Variants in KCNMA1 observed in about 807,000 individuals in gnomAD.
KCNMA1 encodes potassium calcium-activated channel subfamily M alpha 1.
KCNMA1 carries 29 observed loss-of-function variants against 140.0 expected under a neutral mutation model. That is an observed-to-expected ratio of 0.21 (90% CI 0.15 to 0.28). The LOEUF (loss-of-function observed/expected upper bound fraction) is 0.28. Among genes scored for constraint, KCNMA1 ranks in the 10% least tolerant of loss-of-function variants. The probability of loss-of-function intolerance (pLI) is 1.00; values close to 1 mark genes in which losing one functional copy is unlikely to be tolerated. For synonymous variants in KCNMA1, 612 were observed against 611.9 expected, an observed-to-expected ratio of 1.00 and a Z score of 0.00; for missense variants, 880 against 1,602.2, an observed-to-expected ratio of 0.55 and a Z score of 7.70.
chr10:77,544,118 C>T (rs1347194829), intron 1 of KCNMA1, among the ~76,000 whole-genome samples: 1 of 147,518 alleles, frequency 6.8e-6, no homozygotes. Context: ...TAAAATTATT[C>T]CTGTCAATCT....
chr10:77,625,941 C>T (rs988642672), intron 1 of KCNMA1, among the ~76,000 whole-genome samples: 4 of 152,146 alleles, frequency 2.6e-5, no homozygotes, highest in Non-Finnish European at 5.9e-5. Context: ...CTTTCCACCG[C>T]ATCTGTACCA....
Position 77,485,227 on chromosome 10 carries a change from A to T in KCNMA1, c.379-81204T>A, listed in dbSNP as rs118041974. The stretch of plus-strand genomic sequence containing the variant: ...GCCCATCATGCACCATATGGTGCTC[A>T]TATTACATACGCAATAAAGTGCACA... On this transcript the variant is annotated intron_variant, in intron 1 of 27. Transcript: ENST00000286628. Among the ~76,000 whole-genome samples, 391 of 152,346 alleles carry T rather than the reference A, an allele frequency of 2.6e-3. 2 individuals are homozygous for T. Among genetic ancestry groups the T allele is most frequent in the Non-Finnish European group, 4.3e-3 (295 of 68,036 alleles).
rs542645748 is a variant in KCNMA1, at chr10:77,472,463, CAG to C, written c.379-68442_379-68441del. On this transcript the variant is annotated intron_variant, in intron 1 of 27. Coordinates refer to ENST00000286628, the MANE Select transcript of KCNMA1 (RefSeq NM_001161352.2). ...ACGTCACACACACATCACACACACA[CAG>C]AGAGCATACATACTAAACACACATC... Among the ~76,000 whole-genome samples the C allele has an allele frequency of 2.0e-5, 3 of 150,578 alleles. No homozygotes were observed. The South Asian group carries it at 6.3e-4, about 32-fold the overall frequency.
At chr10:77,526,821 C>G (rs946733579) in intron 1 of KCNMA1, among the ~76,000 whole-genome samples, 1 of 149,894 alleles carries the variant, frequency 6.7e-6, no homozygotes, top group South Asian at 2.1e-4. Context: ...GTTTCCTTCT[C>G]CTCTCTCTCT....
chr10:77,159,604 T>G (rs866694400), intron 5 of KCNMA1, among the ~76,000 whole-genome samples: 159 of 152,258 alleles, frequency 1.0e-3, no homozygotes, highest in African/African-American at 3.5e-3. Flanking sequence ...TCCTTGCTTT[T>G]CCCCTAATTT....
intron 5 of KCNMA1, among the ~76,000 whole-genome samples, chr10:77,136,351 A>G (rs1359417559): frequency 1.3e-5 from 2 of 152,186 alleles, no homozygotes; most frequent in African/African-American, 2.4e-5. Flanking sequence ...ATGTTAAGTT[A>G]AAGAAGTAGA....
intron 1 of KCNMA1, among the ~76,000 whole-genome samples, chr10:77,483,237 A>G (rs921584669): frequency 6.6e-6 from 1 of 152,190 alleles, no homozygotes; most frequent in Non-Finnish European, 1.5e-5. Flanking sequence ...AGCATATCAG[A>G]AATCTCTCTG....
chr10:77,260,902 G>T (rs186710402), intron 2 of KCNMA1, among the ~76,000 whole-genome samples: 2 of 152,304 alleles, frequency 1.3e-5, no homozygotes, highest in Admixed American at 1.3e-4. Context: ...GATGTCATAA[G>T]AAAGTGAGAT....
intron 2 of KCNMA1, among the ~76,000 whole-genome samples, chr10:77,370,572 A>G (rs1285759665): frequency 6.6e-6 from 1 of 152,178 alleles, no homozygotes; most frequent in African/African-American, 2.4e-5. Context: ...AAGTCAACAT[A>G]CAAATGAAAT....
intron 22 of KCNMA1, among the ~76,000 whole-genome samples, chr10:76,947,507 A>G (rs2064474837): frequency 6.6e-6 from 1 of 152,232 alleles, no homozygotes; most frequent in African/African-American, 2.4e-5. Context: ...TAAACCCTTT[A>G]CAAAGACACT....
intron 9 of KCNMA1, among the ~76,000 whole-genome samples, chr10:77,095,424 G>C (rs1480620242): frequency 6.6e-6 from 1 of 152,186 alleles, no homozygotes; most frequent in African/African-American, 2.4e-5. Flanking sequence ...TGCCAAAATA[G>C]TATCCAACGG....
chr10:77,575,115 G>A (rs553641079), intron 1 of KCNMA1, among the ~76,000 whole-genome samples: 8 of 152,242 alleles, frequency 5.3e-5, no homozygotes, highest in Admixed American at 4.6e-4. Context: ...GGATTACTTT[G>A]GGTAAATATT....
At chr10:77,346,083 T>C (rs975573078) in intron 2 of KCNMA1, among the ~76,000 whole-genome samples, 2 of 152,218 alleles carry the variant, frequency 1.3e-5, no homozygotes, top group African/African-American at 2.4e-5. Context: ...GTTGCTTTAA[T>C]TGAACAGTGG....
chr10:77,524,745 T>C (rs1398134620), intron 1 of KCNMA1, among the ~76,000 whole-genome samples: 1 of 152,138 alleles, frequency 6.6e-6, no homozygotes, highest in Non-Finnish European at 1.5e-5. Context: ...ATCTATCAGC[T>C]ACCTCCCCAC....
chr10:77,376,316 T>C lies in KCNMA1; in HGVS notation c.540+27546A>G, dbSNP rs1054718686. 7 of 152,174 alleles carry C rather than the reference T, an allele frequency of 4.6e-5. No homozygotes were observed. The East Asian group carries it at 1.4e-3, about 30-fold the overall frequency. 9.4% of individuals were successfully genotyped at this position (152,174 alleles called of 1,614,324 possible). ...CTTCTCCACCACTAAAGCCCCCAGG[T>C]TTATCATTTCCCGGGAGAATAGGTC... On this transcript the variant is annotated intron_variant, in intron 2 of 27. Transcript: ENST00000286628.
intron 1 of KCNMA1, among the ~76,000 whole-genome samples, chr10:77,558,348 A>G (rs779450815): frequency 5.3e-5 from 8 of 152,326 alleles, no homozygotes; most frequent in South Asian, 2.1e-4. Flanking sequence ...CTGCACGCCA[A>G]GCTGGGTGTA....
rs764237865 is a variant in KCNMA1, at chr10:76,953,805, A to G, written c.2480T>C (p.Ile827Thr). 1 of 1,614,062 alleles carries G rather than the reference A, an allele frequency of 6.2e-7. No homozygotes were observed. Among genetic ancestry groups the G allele is most frequent in the Non-Finnish European group, 8.5e-7 (1 of 1,179,934 alleles). ...GATGCACAGTCCCTCACTCACCAGG[A>G]TGACTTTCTCTATCTCCTTGGGTGC... ...WCAPKEIEKV[I>T]LTRSEAAMTV... The change falls in exon 21 of 28, where the codon ATC (isoleucine) becomes ACC (threonine). Residue 827 changes from isoleucine to threonine, a missense_variant. Ile to Thr is a moderately conservative substitution (Grantham distance 89). Transcript: ENST00000286628.
intron 1 of KCNMA1, among the ~76,000 whole-genome samples, chr10:77,573,674 A>G (rs2072823604): frequency 6.9e-6 from 1 of 145,326 alleles, no homozygotes; most frequent in South Asian, 2.3e-4. Flanking sequence ...AATAGAATAG[A>G]ATAGAATAGA....
At chr10:77,495,049 C>T (rs560482145) in intron 1 of KCNMA1, among the ~76,000 whole-genome samples, 1 of 152,316 alleles carries the variant, frequency 6.6e-6, no homozygotes, top group African/African-American at 2.4e-5. Context: ...TCTGCAAAGA[C>T]CTTATTTCCA....
Sources: allele counts gnomAD v4.1 joint callset (sites outside exome capture counted in the v4.1 genomes callset), GRCh38; gene constraint gnomAD v4.1.1; transcripts MANE v1.5; gene names NCBI Gene and HGNC (gene_info 2026-07-23, HGNC 2026-07-21).